FLVCR2: variants seen among roughly 807,000 people sequenced by gnomAD.
FLVCR2 encodes the protein choline/ethanolamine transporter FLVCR2.
Under a neutral mutation model 48.9 loss-of-function variants are expected in FLVCR2, and 38 were observed. The observed-to-expected ratio is 0.78, with a 90% confidence interval of 0.60 to 1.02. The LOEUF (loss-of-function observed/expected upper bound fraction) is 1.02. Ranked by LOEUF, FLVCR2 falls within the 50% of genes least tolerant of loss-of-function variation. The pLI, the probability that FLVCR2 is intolerant of heterozygous loss-of-function variation, is 0.00. For synonymous variants in FLVCR2, 255 were observed against 257.0 expected, an observed-to-expected ratio of 0.99 and a Z score of 0.07; for missense variants, 664 against 663.3, an observed-to-expected ratio of 1.00 and a Z score of -0.01.
rs1002671408 is a variant in FLVCR2 at position 75,624,629 on chromosome 14, A to G, written c.829A>G (p.Lys277Glu). Residue 277 changes from lysine to glutamate, a missense_variant, in exon 3 of 10, where the codon AAA becomes GAA. Transcript: ENST00000238667. The stretch of plus-strand genomic sequence containing the variant: ...CCTTTCAGTGTTCAAGGAGAAACCT[A>G]AATATCCCCCCAGCAGGGCCCAATC... The part of the protein sequence containing the change: ...LVIIVFKEKP[K>E]YPPSRAQSLS... 6.2e-7 allele frequency: 1 copy of G among 1,613,990 alleles called. No individual in the cohort carries two copies. The highest frequency in any genetic ancestry group is 1.7e-5 in the Admixed American group (1 of 59,996).
At chr14:75,637,528 C>T (rs1245196000) in intron 5 of FLVCR2, among the ~76,000 whole-genome samples, 1 of 151,994 alleles carries the variant, frequency 6.6e-6, no homozygotes, top group African/African-American at 2.4e-5. Flanking sequence ...AGATCGAGAC[C>T]ACCCTGGCTA....
chr14:75,644,037 C>T (rs1233799171), intron 9 of FLVCR2, among the ~76,000 whole-genome samples: 1 of 87,050 alleles, frequency 1.1e-5, no homozygotes, highest in Non-Finnish European at 2.9e-5. Context: ...GACTCCATCT[C>T]GAAAAAAAAA....
intron 1 of FLVCR2, among the ~76,000 whole-genome samples, chr14:75,602,953 G>T (rs1273839281): frequency 1.3e-5 from 2 of 152,170 alleles, no homozygotes; most frequent in Non-Finnish European, 2.9e-5. Flanking sequence ...ATGCTCTAAA[G>T]AATGCATTTC....
chr14:75,646,903 T>C lies in FLVCR2; in HGVS notation c.*431T>C, dbSNP rs1424987307. The C allele has an allele frequency of 7.4e-6, 2 of 271,418 alleles. No individual in the cohort carries two copies. Among genetic ancestry groups the C allele is most frequent in the South Asian group, 4.2e-5 (1 of 23,544 alleles). The allele number at this position is 271,418 out of a possible 1,614,324, so 16.8% of individuals were successfully genotyped here. On this transcript the variant is annotated 3_prime_UTR_variant, in exon 10 of 10. Coordinates refer to ENST00000238667, the MANE Select transcript of FLVCR2 (RefSeq NM_017791.3). ...AGCCTCTCATGAAGCCCAGTTCTAA[T>C]AAGTGGCAAGCTGCTCTGCCGGGGT...
chr14:75,626,651 C>CA (rs1161219585), intron 3 of FLVCR2, among the ~76,000 whole-genome samples: 1 of 151,848 alleles, frequency 6.6e-6, no homozygotes. Context: ...ACAAGTTCCC[C>CA]ATCACCGGAA....
chr14:75,600,584 T>G (rs1889140707), intron 1 of FLVCR2, among the ~76,000 whole-genome samples: 1 of 151,984 alleles, frequency 6.6e-6, no homozygotes, highest in South Asian at 2.1e-4. Context: ...AACTGAAAAA[T>G]GGATCAAAGA....
rs760907817 is a variant in FLVCR2 at position 75,618,629 on chromosome 14, G to A, written c.670-3450G>A. On this transcript the variant is annotated intron_variant, in intron 1 of 9. Coordinates refer to ENST00000238667, the MANE Select transcript of FLVCR2 (RefSeq NM_017791.3). The stretch of plus-strand genomic sequence containing the variant: ...AGATGCCAAATGCTCCATGTGCCCC[G>A]TTCTCCCACATTTTAAATTAATGTT... 1.6e-4 allele frequency among the ~76,000 whole-genome samples: 24 copies of A among 152,278 alleles called. No individual in the cohort carries two copies. The East Asian group carries it at 2.3e-3, about 15-fold the overall frequency.
intron 1 of FLVCR2, among the ~76,000 whole-genome samples, chr14:75,594,783 G>A (rs1459365192): frequency 6.6e-6 from 1 of 151,292 alleles, no homozygotes; most frequent in African/African-American, 2.4e-5. Flanking sequence ...ACAGTAGCAT[G>A]AACACAGCTC....
chr14:75,600,537 C>G (rs997410010), intron 1 of FLVCR2, among the ~76,000 whole-genome samples: 1 of 152,126 alleles, frequency 6.6e-6, no homozygotes, highest in Non-Finnish European at 1.5e-5. Context: ...TATCAGAACC[C>G]CTTTCCAGTA....
intron 1 of FLVCR2, among the ~76,000 whole-genome samples, chr14:75,613,675 C>T (rs972437239): frequency 6.6e-5 from 10 of 152,098 alleles, no homozygotes; most frequent in Non-Finnish European, 1.5e-4. Context: ...CTCAGCCTCT[C>T]GAGTAGCTGG....
intron 5 of FLVCR2, among the ~76,000 whole-genome samples, chr14:75,637,670 A>C (rs1890199960): frequency 6.6e-6 from 1 of 151,000 alleles, no homozygotes; most frequent in African/African-American, 2.4e-5. Flanking sequence ...CGGAGCTTGC[A>C]GTGAGCAGAG....
At chr14:75,611,245 T>C (rs184905944) in intron 1 of FLVCR2, among the ~76,000 whole-genome samples, 1 of 152,252 alleles carries the variant, frequency 6.6e-6, no homozygotes, top group East Asian at 1.9e-4. Flanking sequence ...AGCTACACAT[T>C]TGGGGACATT....
Position 75,642,685 on chromosome 14 carries a change from T to G in FLVCR2, c.1509+787T>G, listed in dbSNP as rs375503756. On this transcript the variant is annotated intron_variant, in intron 9 of 9. Transcript: ENST00000238667. ...TGTACAAAATTTAAAAATCATCCTGTAATTTCATCATTTAGAGATGAGATG... is the reference window on the plus strand; with the variant it reads ...TGTACAAAATTTAAAAATCATCCTGGAATTTCATCATTTAGAGATGAGATG... Among the ~76,000 whole-genome samples the G allele has an allele frequency of 3.9e-5, 6 of 152,376 alleles. No homozygotes were observed. The East Asian group carries it at 1.2e-3, about 29-fold the overall frequency.
At chr14:75,631,207 C>T (rs1216609650) in intron 3 of FLVCR2, among the ~76,000 whole-genome samples, 1 of 152,236 alleles carries the variant, frequency 6.6e-6, no homozygotes, top group Non-Finnish European at 1.5e-5. Context: ...CGCCCTTTAG[C>T]CCCGCTTCAG....
At position 75,641,005 on chromosome 14, in the gene FLVCR2, T is replaced by C. The variant is rs749626265; in HGVS notation, c.1286T>C (p.Leu429Pro). 6.2e-7 allele frequency: 1 copy of C among 1,614,074 alleles called. No individual in the cohort carries two copies. The highest frequency in any genetic ancestry group is 8.5e-7 in the Non-Finnish European group (1 of 1,179,990). ...LPLGFEFAVE[L>P]TYPESEGISS... is the part of the protein sequence containing the mutation. ...CTGGGATTTGAGTTTGCTGTGGAGC[T>C]CACGTACCCAGAATCAGAAGGCATC... The change falls in exon 7 of 10, where the codon CTC (leucine) becomes CCC (proline). Residue 429 changes from leucine (L) to proline (P), a missense_variant. Coordinates refer to ENST00000238667, the MANE Select transcript of FLVCR2 (RefSeq NM_017791.3).
At chr14:75,633,821 A>C in intron 4 of FLVCR2, 125 bp downstream of exon 4, 1 of 805,574 alleles carries the variant, frequency 1.2e-6, no homozygotes, top group Non-Finnish European at 2.2e-6. Context: ...ATATGGTGGT[A>C]TGCTTATGGG....
chr14:75,593,037 C>G (rs185510474), intron 1 of FLVCR2, among the ~76,000 whole-genome samples: 1 of 152,312 alleles, frequency 6.6e-6, no homozygotes, highest in East Asian at 1.9e-4. Flanking sequence ...GCATTTTGGT[C>G]ATAACCATCT....
intron 1 of FLVCR2, among the ~76,000 whole-genome samples, chr14:75,593,029 AT>A (rs1594792757): frequency 6.6e-6 from 1 of 152,166 alleles, no homozygotes; most frequent in East Asian, 1.9e-4. Flanking sequence ...TTCTATCAGC[AT>A]TTTGGTCATA....
At chr14:75,613,011 G>A (rs1166794026) in intron 1 of FLVCR2, among the ~76,000 whole-genome samples, 1 of 152,216 alleles carries the variant, frequency 6.6e-6, no homozygotes, top group Admixed American at 6.5e-5. Flanking sequence ...GGACTGGAGT[G>A]TGCAGACTTG....
Sources: gnomAD v4.1 joint callset for allele counts (sites outside exome capture counted in the v4.1 genomes callset) on GRCh38, gnomAD v4.1.1 for gene constraint, MANE v1.5 for transcripts, NCBI Gene and HGNC (gene_info 2026-07-23, HGNC 2026-07-21) for gene names.